The following KLHL42 variants were observed in gnomAD, a reference collection of about 807,000 sequenced individuals.
The protein encoded by KLHL42 is kelch like family member 42.
KLHL42 carries 27 observed loss-of-function variants against 32.7 expected under a neutral mutation model. The ratio of observed to expected loss-of-function variants is 0.83; its 90% CI spans 0.61 to 1.14. The LOEUF (loss-of-function observed/expected upper bound fraction) is 1.14. KLHL42 is among the 50% of genes most tolerant of loss of function. KLHL42 has a pLI of 0.00. For missense variants in KLHL42, 491 were observed against 560.8 expected, an observed-to-expected ratio of 0.88 and a Z score of 1.26; for synonymous variants, 267 against 248.2, an observed-to-expected ratio of 1.08 and a Z score of -0.71.
intron 2 of KLHL42, among the ~76,000 whole-genome samples, chr12:27,795,191 C>T (rs567075726): frequency 2.0e-5 from 3 of 152,340 alleles, no homozygotes; most frequent in Middle Eastern, 3.4e-3. Flanking sequence ...GCTGACATAA[C>T]GCACATATGT....
chr12:27,797,608 T>G (rs1448105769), intron 2 of KLHL42, 107 bp from the exon 3 acceptor site: 1 of 655,282 alleles, frequency 1.5e-6, no homozygotes. Context: ...TGAAAGAGTT[T>G]TTTCTCTTTG....
chr12:27,780,402 C>T lies in KLHL42; in HGVS notation c.72C>T (p.Ile24=). 6.4e-7 allele frequency: 1 copy of T among 1,569,118 alleles called. No homozygotes were observed. The highest frequency in any genetic ancestry group is 8.6e-7 in the Non-Finnish European group (1 of 1,159,342). The part of the protein sequence containing the change: ...RCYPVSKRKL[I]EQSDYFRALY... ...ACCCGGTGAGCAAGAGGAAGCTCAT[C>T]GAGCAGAGCGACTACTTCCGCGCCC... is the stretch of plus-strand genomic sequence containing the variant. Residue 24 remains isoleucine (I), a synonymous_variant, in exon 1 of 3, where the codon ATC becomes ATT. Coordinates refer to ENST00000381271, the MANE Select transcript of KLHL42 (RefSeq NM_020782.2). The surrounding 1 kb of genome is among the most constrained non-coding windows in gnomAD (Gnocchi z 8.8).
rs372576711 is a variant in KLHL42 at position 27,781,189 on chromosome 12, A to G, written c.859A>G (p.Met287Val). 6.2e-6 allele frequency: 10 copies of G among 1,613,662 alleles called. No homozygotes were observed. The East Asian group carries it at 1.1e-4, about 18-fold the overall frequency. The part of the protein sequence containing the change: ...STNEWLQVAS[M>V]NQKRSNFKLV... ...CAACGAGTGGCTCCAGGTGGCCTCC[A>G]TGAACCAGAAGAGGTAAGCACCCCG... Residue 287 changes from methionine to valine, a missense_variant, in exon 1 of 3, where the codon ATG becomes GTG. Transcript: ENST00000381271.
At chr12:27,797,378 T>C in intron 2 of KLHL42, 2 of 490,090 alleles carry the variant, frequency 4.1e-6, no homozygotes, top group Non-Finnish European at 4.0e-6. Flanking sequence ...ATGAGGGTTC[T>C]GAGGCACTTA....
chr12:27,780,313 G>T lies in KLHL42; in HGVS notation c.-18G>T. 1 of 1,543,608 alleles carries T rather than the reference G, an allele frequency of 6.5e-7. No individual in the cohort carries two copies. Among genetic ancestry groups the T allele is most frequent in the Middle Eastern group, 2.3e-4 (1 of 4,346 alleles). On this transcript the variant is annotated 5_prime_UTR_variant, in exon 1 of 3. Transcript: ENST00000381271. This position sits in a 1 kb window ranked among gnomAD's most constrained non-coding sequence, Gnocchi z 8.8. Reference sequence around the variant, plus strand: ...CGCAGATCTGGCGGTGAGCGCTGCCGCCCCGGGGCCCCCAGCCATGTCGGC... The same window carrying T: ...CGCAGATCTGGCGGTGAGCGCTGCCTCCCCGGGGCCCCCAGCCATGTCGGC...
rs139785560 is a variant in KLHL42 at position 27,799,774 on chromosome 12, T to C, written c.*1608T>C. 39 of 166,412 alleles carry C rather than the reference T, an allele frequency of 2.3e-4. 1 individual carries two copies. The East Asian group carries it at 6.7e-3, about 29-fold the overall frequency. 10.3% of individuals were successfully genotyped at this position (166,412 alleles called of 1,614,324 possible). On this transcript the variant is annotated 3_prime_UTR_variant, in exon 3 of 3. Coordinates refer to ENST00000381271, the MANE Select transcript of KLHL42 (RefSeq NM_020782.2). Reference sequence around the variant, plus strand: ...TTGCACAACTTTTTGGGAATACTTCTATTAACTAAAATGAGGTAAGCCATT... The same window carrying C: ...TTGCACAACTTTTTGGGAATACTTCCATTAACTAAAATGAGGTAAGCCATT...
Position 27,799,257 on chromosome 12 carries a change from G to A in KLHL42, c.*1091G>A, listed in dbSNP as rs1182863350. The A allele has an allele frequency of 6.6e-6, 1 of 152,178 alleles. No homozygotes were observed. Among genetic ancestry groups the A allele is most frequent in the Non-Finnish European group, 1.5e-5 (1 of 68,026 alleles). The allele number at this position is 152,178 out of a possible 1,614,324, so 9.4% of individuals were successfully genotyped here. On this transcript the variant is annotated 3_prime_UTR_variant, in exon 3 of 3. Transcript: ENST00000381271. ...TTTCTGGTGGTATTTCTGAAGTTAGGTAAAGTGCTTTACTTGCCTTGGTTG... is the reference window on the plus strand; with the variant it reads ...TTTCTGGTGGTATTTCTGAAGTTAGATAAAGTGCTTTACTTGCCTTGGTTG...
At chr12:27,785,797 G>A (rs1007388208) in intron 1 of KLHL42, among the ~76,000 whole-genome samples, 2 of 151,892 alleles carry the variant, frequency 1.3e-5, no homozygotes, top group African/African-American at 2.4e-5. Flanking sequence ...CTTAAAATAC[G>A]TGTTTTCTTT....
In KLHL42 at chr12:27,797,937, A is replaced by G. The variant is rs761522975; in HGVS notation, c.1289A>G (p.Tyr430Cys). ...AACACCGTCACCCGCCAGTGGCTCTACCTCAAGGAGAACACGTCCAAATCG... is the reference window on the plus strand; with the variant it reads ...AACACCGTCACCCGCCAGTGGCTCTGCCTCAAGGAGAACACGTCCAAATCG... ...SYNTVTRQWL[Y>C]LKENTSKSGL... The change falls in exon 3 of 3, where the codon TAC (tyrosine) becomes TGC (cysteine). Residue 430 changes from tyrosine (Y) to cysteine (C), a missense_variant. By Grantham distance (194) the Tyr-to-Cys change is radical (BLOSUM62 -2). Transcript: ENST00000381271. 2 of 780,884 alleles carry G rather than the reference A, an allele frequency of 2.6e-6. No homozygotes were observed. Among genetic ancestry groups the G allele is most frequent in the Non-Finnish European group, 4.8e-6 (2 of 418,120 alleles). 48.4% of individuals were successfully genotyped at this position (780,884 alleles called of 1,614,324 possible).
chr12:27,802,422 G>A lies in KLHL42; in HGVS notation c.*4256G>A, dbSNP rs1004808715. 1 of 152,428 alleles carries A rather than the reference G, an allele frequency of 6.6e-6. No homozygotes were observed. Among genetic ancestry groups the A allele is most frequent in the African/African-American group, 2.4e-5 (1 of 41,440 alleles). The allele number at this position is 152,428 out of a possible 1,614,324, so 9.4% of individuals were successfully genotyped here. On this transcript the variant is annotated 3_prime_UTR_variant, in exon 3 of 3. Transcript: ENST00000381271. The stretch of plus-strand genomic sequence containing the variant: ...ATTCCACACTAGTACTGATGAAAAG[G>A]TGGTTGATTTTGCCTTGTGATAATT...
intron 1 of KLHL42, among the ~76,000 whole-genome samples, chr12:27,789,941 T>TA: frequency 6.6e-6 from 1 of 152,336 alleles, no homozygotes; most frequent in South Asian, 2.1e-4. Flanking sequence ...TAGGAACCTT[T>TA]AAAAAATCTT....
chr12:27,790,527 T>G (rs2062191880), intron 1 of KLHL42, among the ~76,000 whole-genome samples: 1 of 152,236 alleles, frequency 6.6e-6, no homozygotes, highest in Non-Finnish European at 1.5e-5. Context: ...GCCTTTTGTG[T>G]GCTATATCGA....
At chr12:27,785,314 T>C (rs944403791) in intron 1 of KLHL42, among the ~76,000 whole-genome samples, 2 of 152,194 alleles carry the variant, frequency 1.3e-5, no homozygotes, top group Non-Finnish European at 2.9e-5. Flanking sequence ...ATCCTCCTGC[T>C]TCAGCCTCCC....
At chr12:27,793,527 G>A (rs1187629718) in intron 2 of KLHL42, among the ~76,000 whole-genome samples, 1 of 151,034 alleles carries the variant, frequency 6.6e-6, no homozygotes. Flanking sequence ...GGGTGACAGA[G>A]TGAGACCCAG....
At position 27,796,191 on chromosome 12, in the gene KLHL42, AGGACTTGGC is replaced by A. The variant is rs578035172; in HGVS notation, c.1067-1523_1067-1515del. 7.9e-5 allele frequency among the ~76,000 whole-genome samples: 12 copies of A among 152,370 alleles called. No homozygotes were observed. The South Asian group carries it at 2.5e-3, about 32-fold the overall frequency. On this transcript the variant is annotated intron_variant, in intron 2 of 2. Transcript: ENST00000381271. ...CAGGCATCAGGACATGTGCGCGCAC[AGGACTTGGC>A]TCTCTTAGGAGATACTTCAGTTTGT...
At position 27,780,869 on chromosome 12, in the gene KLHL42, G is replaced by A; in HGVS notation, c.539G>A (p.Ser180Asn). 6.2e-7 allele frequency: 1 copy of A among 1,613,704 alleles called. No individual in the cohort carries two copies. The highest frequency in any genetic ancestry group is 8.5e-7 in the Non-Finnish European group (1 of 1,179,788). ...CCTCCCCAAGCTCCAGGGGATGTCA[G>A]CCTGAAGCAGAGGCTGAGGGAGGCC... ...GSPPQAPGDV[S>N]LKQRLREARM... The change falls in exon 1 of 3, where the codon AGC becomes AAC. Residue 180 changes from serine to asparagine, a missense_variant. This residue lies in a region of KLHL42 where 248 missense variants were observed against 329.2 expected (regional missense o/e 0.75). Coordinates refer to ENST00000381271, the MANE Select transcript of KLHL42 (RefSeq NM_020782.2). The surrounding 1 kb of genome is among the most constrained non-coding windows in gnomAD (Gnocchi z 8.8).
intron 1 of KLHL42, 65 bp downstream of exon 1, chr12:27,781,267 C>T: frequency 4.5e-6 from 7 of 1,541,832 alleles, no homozygotes; most frequent in Non-Finnish European, 6.2e-6. Context: ...TTCATTACCC[C>T]AGTGTTTACT....
intron 2 of KLHL42, among the ~76,000 whole-genome samples, chr12:27,796,585 A>G (rs2140823188): frequency 1.3e-5 from 2 of 151,618 alleles, no homozygotes; most frequent in East Asian, 3.9e-4. Flanking sequence ...TCTAAATTTC[A>G]CAAGCGTTTT....
chr12:27,794,480 A>G (rs1017717276), intron 2 of KLHL42, among the ~76,000 whole-genome samples: 5 of 152,150 alleles, frequency 3.3e-5, no homozygotes, highest in African/African-American at 9.7e-5. Flanking sequence ...TACATCTGCA[A>G]AGACCCCCTT....
Sources: gnomAD v4.1 joint callset for allele counts (sites outside exome capture counted in the v4.1 genomes callset) on GRCh38, gnomAD v4.1.1 for gene constraint, gnomAD v4.1.1 regional missense constraint, Gnocchi (gnomAD v3.1) non-coding constraint, MANE v1.5 for transcripts, NCBI Gene and HGNC (gene_info 2026-07-23, HGNC 2026-07-21) for gene names.